Variants in RNF157 observed in about 807,000 individuals in gnomAD.
RNF157 encodes the protein ring finger protein 157, also known as E3 ubiquitin ligase RNF157.
A neutral mutation model predicts 88.3 loss-of-function variants in RNF157; 55 were observed. The observed-to-expected ratio is 0.62, with a 90% CI of 0.50 to 0.78. The LOEUF (loss-of-function observed/expected upper bound fraction) is 0.78, where lower values mean the gene tolerates loss of function less well. RNF157 is among the 30% of genes least tolerant of loss of function. The probability of loss-of-function intolerance (pLI) is 0.00; values close to 1 mark genes in which losing one functional copy is unlikely to be tolerated. For missense variants in RNF157, 788 were observed against 860.8 expected, an observed-to-expected ratio of 0.92 and a Z score of 1.06; for synonymous variants, 334 against 341.2, an observed-to-expected ratio of 0.98 and a Z score of 0.23.
At chr17:76,190,947 C>G (rs1252011313) in intron 2 of RNF157, among the ~76,000 whole-genome samples, 2 of 151,826 alleles carry the variant, frequency 1.3e-5, no homozygotes, top group South Asian at 4.2e-4. Context: ...TGCAGTGGCT[C>G]ACACCTGTAG....
intron 3 of RNF157, among the ~76,000 whole-genome samples, chr17:76,170,280 T>G (rs1423440127): frequency 5.3e-5 from 8 of 151,820 alleles, no homozygotes. Context: ...CAGGCTGGAG[T>G]GCAGTGCTGT....
At chr17:76,167,284 G>A (rs1551104) in intron 4 of RNF157, among the ~76,000 whole-genome samples, 158 bp from the exon 5 acceptor site, 1,526 of 152,202 alleles carry the variant, frequency 0.01, 50 homozygotes, top group Admixed American at 0.062. Context: ...GCTTGGCAAC[G>A]TTAAACTTTT....
In RNF157 at chr17:76,157,156, C is replaced by T. The variant is rs1046611864; in HGVS notation, c.1414-835G>A. Among the ~76,000 whole-genome samples, 3 of 152,162 alleles carry T rather than the reference C, an allele frequency of 2.0e-5. No homozygotes were observed. The highest frequency in any genetic ancestry group is 3.4e-3 in the Middle Eastern group (1 of 294). On this transcript the variant is annotated intron_variant, in intron 13 of 18. Coordinates refer to ENST00000269391, the MANE Select transcript of RNF157 (RefSeq NM_052916.3). The surrounding 1 kb of genome is among the most constrained non-coding windows in gnomAD (Gnocchi z 5.6). ...TAATTTTTTGTATTTTTAGTAGAGA[C>T]GGGGTTTCACCATGTTAGCCAGGAT...
intron 1 of RNF157, among the ~76,000 whole-genome samples, chr17:76,235,360 G>A (rs1198009269): frequency 6.6e-6 from 1 of 152,062 alleles, no homozygotes; most frequent in Non-Finnish European, 1.5e-5. Flanking sequence ...ACCATGCCTG[G>A]CTAATTTTTT....
chr17:76,219,743 G>T (rs1289096669), intron 1 of RNF157, among the ~76,000 whole-genome samples: 2 of 152,040 alleles, frequency 1.3e-5, no homozygotes, highest in African/African-American at 4.8e-5. Context: ...CTATTCCCAA[G>T]AACTTTAAGA....
intron 9 of RNF157, 22 bp from the exon 10 acceptor site, chr17:76,162,024 T>C: frequency 6.2e-7 from 1 of 1,609,228 alleles, no homozygotes; most frequent in Non-Finnish European, 8.5e-7. Context: ...GAAAGAAATG[T>C]AGCCAATGGC....
chr17:76,165,585 A>G, intron 6 of RNF157, 40 bp from the exon 7 acceptor site: 2 of 1,610,520 alleles, frequency 1.2e-6, no homozygotes, highest in African/African-American at 1.3e-5. Context: ...AAGCCCAAAC[A>G]GCACATCTTG....
In RNF157 at chr17:76,162,573, C is replaced by G; in HGVS notation, c.771G>C (p.Lys257Asn). 1 of 1,613,194 alleles carries G rather than the reference C, an allele frequency of 6.2e-7. No individual in the cohort carries two copies. The highest frequency in any genetic ancestry group is 2.2e-5 in the East Asian group (1 of 44,818). Reference protein sequence around the residue: ...LLQEIYGIENKYNTQDSKVAE... With the variant: ...LLQEIYGIENNYNTQDSKVAE... The stretch of plus-strand genomic sequence containing the variant: ...TTACCTTAGAATCTTGTGTGTTGTA[C>G]TTGTTTTCAATTCCATAGATCTCCT... Residue 257 changes from lysine (K) to asparagine (N), a missense_variant, in exon 9 of 19, where the codon AAG becomes AAC. Coordinates refer to ENST00000269391, the MANE Select transcript of RNF157 (RefSeq NM_052916.3).
intron 1 of RNF157, 80 bp from the exon 2 acceptor site, chr17:76,212,562 T>TA: frequency 1.0e-6 from 1 of 962,350 alleles, no homozygotes; most frequent in Non-Finnish European, 1.6e-6. Context: ...AGCTGATTTT[T>TA]AAAATGTTAA....
intron 1 of RNF157, among the ~76,000 whole-genome samples, chr17:76,217,894 T>C (rs1448277615): frequency 6.6e-6 from 1 of 152,192 alleles, no homozygotes; most frequent in Admixed American, 6.5e-5. Context: ...ATCTCCAAGA[T>C]TATACGTAAA....
chr17:76,240,243 C>A lies in RNF157; in HGVS notation c.-3G>T, dbSNP rs752665251. 1.5e-4 allele frequency: 189 copies of A among 1,302,680 alleles called. No individual in the cohort carries two copies. The highest frequency in any genetic ancestry group is 1.9e-4 in the Non-Finnish European group (188 of 1,010,582). 80.7% of individuals were successfully genotyped at this position (1,302,680 alleles called of 1,614,324 possible). On this transcript the variant is annotated 5_prime_UTR_variant, in exon 1 of 19. Transcript: ENST00000269391. The surrounding 1 kb of genome is among the most constrained non-coding windows in gnomAD (Gnocchi z 4.4). Reference sequence around the variant, plus strand: ...TGCCGGCTCGTCAGGGCCCCCATGGCCGCTGCGGCTGCAGCCCCGGCCCGG... The same window carrying A: ...TGCCGGCTCGTCAGGGCCCCCATGGACGCTGCGGCTGCAGCCCCGGCCCGG...
chr17:76,210,392 C>A (rs576893444), intron 2 of RNF157, among the ~76,000 whole-genome samples: 2 of 151,284 alleles, frequency 1.3e-5, no homozygotes. Context: ...AGATCGAGAC[C>A]ATCCTGGCTA....
chr17:76,148,577 T>A (rs2068623790), intron 18 of RNF157, among the ~76,000 whole-genome samples: 1 of 150,626 alleles, frequency 6.6e-6, no homozygotes, highest in Non-Finnish European at 1.5e-5. Context: ...TTTTTTTTTT[T>A]TTTTTAAGAT....
chr17:76,214,060 G>T (rs1423502419), intron 1 of RNF157, among the ~76,000 whole-genome samples: 1 of 152,178 alleles, frequency 6.6e-6, no homozygotes, highest in African/African-American at 2.4e-5. Flanking sequence ...CCCAAGGAGG[G>T]GGTTATGGGA....
At chr17:76,235,235 TC>T (rs1241918389) in intron 1 of RNF157, among the ~76,000 whole-genome samples, 1 of 151,690 alleles carries the variant, frequency 6.6e-6, no homozygotes, top group Non-Finnish European at 1.5e-5. Context: ...TCTCGCTCTG[TC>T]GCCCAGGCTG....
At chr17:76,188,843 T>C (rs2144935695) in intron 2 of RNF157, among the ~76,000 whole-genome samples, 1 of 152,322 alleles carries the variant, frequency 6.6e-6, no homozygotes, top group East Asian at 1.9e-4. Context: ...ACCCGGACCA[T>C]GTAAACAGGG....
At chr17:76,154,860 G>A (rs1239256267) in intron 16 of RNF157, among the ~76,000 whole-genome samples, 2 of 152,162 alleles carry the variant, frequency 1.3e-5, no homozygotes, top group South Asian at 2.1e-4. Flanking sequence ...TGGGCTGGGG[G>A]TAGGCAGAAA....
chr17:76,146,920 T>C lies in RNF157; in HGVS notation c.1922-1567A>G. ...CAGGACATGAAACCCTTTAATGGCA[T>C]GTAGAGTCAACAGGTATAAATGGCT... On this transcript the variant is annotated intron_variant, in intron 18 of 18. Transcript: ENST00000269391. This position sits in a 1 kb window ranked among gnomAD's most constrained non-coding sequence, Gnocchi z 4.2. 1.0e-6 allele frequency: 1 copy of C among 985,428 alleles called. No homozygotes were observed. The highest frequency in any genetic ancestry group is 1.1e-4 in the East Asian group (1 of 8,814). The allele number at this position is 985,428 out of a possible 1,614,324, so 61.0% of individuals were successfully genotyped here.
At chr17:76,196,007 A>T (rs1598421592) in intron 2 of RNF157, among the ~76,000 whole-genome samples, 2 of 152,278 alleles carry the variant, frequency 1.3e-5, no homozygotes, top group South Asian at 4.1e-4. Context: ...ATTTCTTTAT[A>T]ATTTGTCCCT....
Sources: allele counts gnomAD v4.1 joint callset (sites outside exome capture counted in the v4.1 genomes callset), GRCh38; gene constraint gnomAD v4.1.1; non-coding constraint Gnocchi (gnomAD v3.1); transcripts MANE v1.5; gene names NCBI Gene and HGNC (gene_info 2026-07-23, HGNC 2026-07-21).